TRPC5: variants seen among roughly 807,000 people sequenced by gnomAD.
TRPC5 encodes transient receptor potential cation channel subfamily C member 5.
A neutral mutation model predicts 56.5 loss-of-function variants in TRPC5; 9 were observed. The observed-to-expected ratio is 0.16, with a 90% CI of 0.10 to 0.28. TRPC5 has a LOEUF of 0.28. Ranked by LOEUF, TRPC5 falls within the 10% of genes least tolerant of loss-of-function variation. TRPC5 has a pLI of 1.00. For synonymous variants in TRPC5, 282 were observed against 278.5 expected (o/e 1.01, Z -0.13); for missense variants, 469 against 748.9 (o/e 0.63, Z 4.36).
chrX:111,893,243 A>T (rs9969972), intron 3 of TRPC5, among the ~76,000 whole-genome samples: 1 of 110,325 alleles, frequency 9.1e-6, no homozygotes, highest in Non-Finnish European at 1.9e-5. Flanking sequence ...GTTACCTCCA[A>T]GTTCTGTTTT....
intron 1 of TRPC5, among the ~76,000 whole-genome samples, chrX:111,967,228 A>T (rs1276115526): frequency 1.8e-5 from 2 of 111,814 alleles, no homozygotes; most frequent in Non-Finnish European, 3.8e-5. Flanking sequence ...TCCCATTCAC[A>T]ATTGCTACAA....
chrX:111,824,603 G>A (rs973116531), intron 7 of TRPC5, among the ~76,000 whole-genome samples: 4 of 111,317 alleles, frequency 3.6e-5, no homozygotes, highest in Non-Finnish European at 5.7e-5. Context: ...CAGGTCAGGC[G>A]GTCTAGGGTT....
intron 1 of TRPC5, among the ~76,000 whole-genome samples, chrX:112,062,801 G>A (rs1350436282): frequency 1.8e-5 from 2 of 111,814 alleles, no homozygotes; most frequent in Non-Finnish European, 3.8e-5. Flanking sequence ...ACTACTGAAG[G>A]TAGAAGGGTA....
chrX:111,955,924 A>G (rs1440886466), intron 1 of TRPC5, among the ~76,000 whole-genome samples: 1 of 112,460 alleles, frequency 8.9e-6, no homozygotes, highest in Non-Finnish European at 1.9e-5. Flanking sequence ...ATTTCTTGCC[A>G]TTCTGCCAGT....
chrX:111,788,164 A>G (rs1024299531), intron 7 of TRPC5, among the ~76,000 whole-genome samples: 1 of 112,033 alleles, frequency 8.9e-6, no homozygotes, highest in African/African-American at 3.2e-5. Context: ...AAAATCCTCA[A>G]TGAAATACTG....
At chrX:111,846,126 G>A (rs908495052) in intron 6 of TRPC5, among the ~76,000 whole-genome samples, 1 of 111,596 alleles carries the variant, frequency 9.0e-6, no homozygotes, top group Non-Finnish European at 1.9e-5. Flanking sequence ...CTTTGTTATG[G>A]AGCACATTTC....
chrX:111,905,696 C>T (rs1345994776), intron 3 of TRPC5, among the ~76,000 whole-genome samples: 9 of 110,108 alleles, frequency 8.2e-5, no homozygotes, highest in Admixed American at 4.8e-4. Context: ...AAGTGGATCA[C>T]GAGGTCAGGA....
At chrX:111,927,808 G>A (rs1386880009) in intron 2 of TRPC5, among the ~76,000 whole-genome samples, 4 of 97,380 alleles carry the variant, frequency 4.1e-5, no homozygotes, top group African/African-American at 1.9e-4. Context: ...TATTAATGAT[G>A]GGAAACTTTT....
chrX:111,969,762 A>G (rs1927727670), intron 1 of TRPC5, among the ~76,000 whole-genome samples: 1 of 111,437 alleles, frequency 9.0e-6, no homozygotes, highest in African/African-American at 3.3e-5. Context: ...GGAAGAATGT[A>G]GGAGTAAGTA....
chrX:111,807,306 A>G (rs1921546146), intron 7 of TRPC5, among the ~76,000 whole-genome samples: 1 of 111,587 alleles, frequency 9.0e-6, no homozygotes, highest in Admixed American at 9.6e-5. Context: ...CCTGTCTTCA[A>G]GCTTACTAAT....
chrX:111,886,373 T>C (rs1475152398), intron 3 of TRPC5, among the ~76,000 whole-genome samples: 2 of 112,921 alleles, frequency 1.8e-5, no homozygotes, highest in Non-Finnish European at 3.7e-5. Flanking sequence ...TGTTGTATGT[T>C]TCTTCATGTT....
At chrX:111,812,117 T>C (rs1360480058) in intron 7 of TRPC5, among the ~76,000 whole-genome samples, 1 of 76,633 alleles carries the variant, frequency 1.3e-5, no homozygotes, top group Admixed American at 1.2e-4. Flanking sequence ...TGCCGGTGGT[T>C]TTTTTTTTTT....
At position 111,852,166 on chromosome X, in the gene TRPC5, A is replaced by G. The variant is rs770508769; in HGVS notation, c.1377+132T>C. On this transcript the variant is annotated intron_variant, in intron 5 of 10. Transcript: ENST00000262839. The stretch of plus-strand genomic sequence containing the variant: ...CAAACCACTGAAAGAATGTCTGTTT[A>G]TATGGTAATTTCCCACATGGATTGA... 45 of 618,547 alleles carry G rather than the reference A, an allele frequency of 7.3e-5. No homozygotes were observed. The African/African-American group carries it at 8.6e-4, about 12-fold the overall frequency. The allele number at this position is 618,547 out of a possible 1,213,427, so 51.0% of individuals were successfully genotyped here. A position where few individuals can be genotyped will look rare whatever the true frequency, so the allele number is the denominator to read the frequency against.
rs1041785273 is a variant in TRPC5 at position 111,772,790 on chromosome X, T to C, written c.*3523A>G. On this transcript the variant is annotated 3_prime_UTR_variant, in exon 11 of 11. Transcript: ENST00000262839. ...TTGCTGCCTATCTTCAAGTACTTTT[T>C]ACCTGATGATTTAACAAACCAAGGT... Among the ~76,000 whole-genome samples, 1 of 111,381 alleles carries C rather than the reference T, an allele frequency of 9.0e-6. No individual in the cohort carries two copies. Among genetic ancestry groups the C allele is most frequent in the Non-Finnish European group, 1.9e-5 (1 of 53,170 alleles).
Position 111,942,530 on chromosome X carries a change from G to A in TRPC5, c.378+9513C>T, listed in dbSNP as rs1462495287. ...TATTTGTGTCAGTTCAGGCTCAGCT[G>A]AGTGACCTTGAAGTGTGGTCACTTC... is the stretch of plus-strand genomic sequence containing the variant. On this transcript the variant is annotated intron_variant, in intron 2 of 10. Transcript: ENST00000262839. Among the ~76,000 whole-genome samples the A allele has an allele frequency of 8.1e-5, 9 of 111,354 alleles. No homozygotes were observed. The Admixed American group carries it at 8.6e-4, about 11-fold the overall frequency.
chrX:111,864,017 T>G (rs952353664), intron 3 of TRPC5, among the ~76,000 whole-genome samples: 2 of 111,376 alleles, frequency 1.8e-5, no homozygotes, highest in Non-Finnish European at 3.8e-5. Flanking sequence ...GATGGAGTCT[T>G]GCTCTGTTGC....
At chrX:111,974,208 G>T (rs908205038) in intron 1 of TRPC5, among the ~76,000 whole-genome samples, 1 of 111,718 alleles carries the variant, frequency 9.0e-6, no homozygotes, top group Admixed American at 9.5e-5. Flanking sequence ...AAGGTAGAAG[G>T]GTTCTATAAT....
intron 1 of TRPC5, among the ~76,000 whole-genome samples, chrX:112,050,805 C>T (rs1350832277): frequency 8.9e-6 from 1 of 112,108 alleles, no homozygotes; most frequent in East Asian, 2.8e-4. Context: ...AGGAGTCTGT[C>T]ATCCATTATT....
chrX:111,944,303 T>TGTGAAAGAGAGA (rs1173179815), intron 2 of TRPC5, among the ~76,000 whole-genome samples: 11 of 61,393 alleles, frequency 1.8e-4, no homozygotes, highest in African/African-American at 6.3e-4. Flanking sequence ...TGTGTGTGTG[T>TGTGAAAGAGAGA]GAGAGAGAGA....
Sources: allele counts gnomAD v4.1 joint callset (sites outside exome capture counted in the v4.1 genomes callset), GRCh38; gene constraint gnomAD v4.1.1; transcripts MANE v1.5; gene names NCBI Gene and HGNC (gene_info 2026-07-23, HGNC 2026-07-21).